Variants in COL13A1 observed in about 807,000 individuals in gnomAD.
COL13A1 encodes the protein collagen alpha-1(XIII) chain.
COL13A1 carries 89 observed loss-of-function variants against 130.9 expected under a neutral mutation model. That is an observed-to-expected ratio of 0.68 (90% confidence interval 0.57 to 0.81). The LOEUF (loss-of-function observed/expected upper bound fraction) is 0.81, where lower values mean the gene tolerates loss of function less well. COL13A1 is among the 30% of genes least tolerant of loss of function. The pLI, the probability that COL13A1 is intolerant of heterozygous loss-of-function variation, is 0.00. For missense variants in COL13A1, 879 were observed against 934.6 expected, an observed-to-expected ratio of 0.94 and a Z score of 0.78; for synonymous variants, 402 against 341.6, an observed-to-expected ratio of 1.18 and a Z score of -1.95.
intron 2 of COL13A1, among the ~76,000 whole-genome samples, chr10:69,865,467 GTTTTCCAAGGCACCTGAAGA>G (rs1015053472): frequency 6.6e-6 from 1 of 152,310 alleles, no homozygotes; most frequent in Admixed American, 6.5e-5. Context: ...CGGGAGTTGG[GTTTTCCAAGGCACCTGAAGA>G]TTTTCCAGTG....
chr10:69,950,903 C>G (rs1215929652), intron 38 of COL13A1, among the ~76,000 whole-genome samples: 1 of 152,096 alleles, frequency 6.6e-6, no homozygotes, highest in Non-Finnish European at 1.5e-5. Context: ...GGCTGGAGTG[C>G]AGTGGCACAA....
At chr10:69,942,312 G>A (rs918852159) in intron 35 of COL13A1, among the ~76,000 whole-genome samples, 1 of 152,188 alleles carries the variant, frequency 6.6e-6, no homozygotes, top group Non-Finnish European at 1.5e-5. Context: ...TACATGCAGA[G>A]AGCATGCCCT....
intron 12 of COL13A1, 125 bp downstream of exon 12, chr10:69,894,826 A>G: frequency 7.7e-7 from 1 of 1,293,926 alleles, no homozygotes; most frequent in Non-Finnish European, 1.1e-6. Context: ...AAAGCCCCCG[A>G]GGTGCCGCAT....
intron 1 of COL13A1, among the ~76,000 whole-genome samples, chr10:69,817,001 G>A (rs150829979): frequency 2.0e-4 from 31 of 152,320 alleles, no homozygotes; most frequent in African/African-American, 5.3e-4. Context: ...TAATGATTCC[G>A]TGAGGGTGGG....
At chr10:69,903,599 C>A (rs373029448) in intron 15 of COL13A1, among the ~76,000 whole-genome samples, 1 of 152,172 alleles carries the variant, frequency 6.6e-6, no homozygotes, top group Non-Finnish European at 1.5e-5. Flanking sequence ...TCCACCCACC[C>A]GTAAGACTAA....
rs954617847 is a variant in COL13A1 at position 69,872,124 on chromosome 10, T to C, written c.373-60T>C. The C allele has an allele frequency of 8.1e-6, 13 of 1,604,948 alleles. No individual in the cohort carries two copies. In the African/African-American group the frequency reaches 9.4e-5, roughly 12 times the overall value. ...GGTCACACAGCTGGTTGAGACAGTG[T>C]TCAACAGTTAGGTGTTACGATACCT... On this transcript the variant is annotated intron_variant, in intron 3 of 40. Transcript: ENST00000645393.
intron 2 of COL13A1, among the ~76,000 whole-genome samples, chr10:69,861,368 G>A (rs531996839): frequency 2.6e-4 from 39 of 152,264 alleles, no homozygotes; most frequent in Admixed American, 6.5e-4. Context: ...GACCTCCTGG[G>A]GCCAGGGCAT....
At chr10:69,805,719 C>T (rs1328037326) in intron 1 of COL13A1, among the ~76,000 whole-genome samples, 3 of 152,110 alleles carry the variant, frequency 2.0e-5, no homozygotes, top group Non-Finnish European at 4.4e-5. Context: ...CTTGAGGGGA[C>T]CATCCTGGGC....
chr10:69,951,759 A>G (rs2136310266), intron 38 of COL13A1, among the ~76,000 whole-genome samples: 1 of 152,326 alleles, frequency 6.6e-6, no homozygotes, highest in East Asian at 1.9e-4. Context: ...CACGCAGCTA[A>G]CTGTCAGAAC....
At chr10:69,905,108 C>A in intron 16 of COL13A1, 149 bp downstream of exon 16, 2 of 893,718 alleles carry the variant, frequency 2.2e-6, no homozygotes, top group Non-Finnish European at 3.4e-6. Flanking sequence ...CAAAACACCA[C>A]CCTTCTCAGG....
At chr10:69,949,949 C>CAT (rs1410838753) in intron 38 of COL13A1, among the ~76,000 whole-genome samples, 9 of 103,430 alleles carry the variant, frequency 8.7e-5, no homozygotes, top group African/African-American at 1.4e-4. Context: ...TGTGTGTGTG[C>CAT]GTGTGTTTGT....
chr10:69,953,295 G>A (rs1418515621), intron 39 of COL13A1, among the ~76,000 whole-genome samples: 1 of 152,210 alleles, frequency 6.6e-6, no homozygotes, highest in Admixed American at 6.5e-5. Flanking sequence ...GGCTTTGGAA[G>A]CCAGTGTAGC....
chr10:69,930,589 C>T (rs543258686), intron 30 of COL13A1, 37 bp downstream of exon 30: 7 of 1,597,582 alleles, frequency 4.4e-6, no homozygotes, highest in Admixed American at 1.7e-5. Flanking sequence ...CGTGCATACA[C>T]CACTCCCAAG....
At chr10:69,903,772 C>T (rs1449340846) in intron 15 of COL13A1, among the ~76,000 whole-genome samples, 1 of 152,162 alleles carries the variant, frequency 6.6e-6, no homozygotes, top group Non-Finnish European at 1.5e-5. Context: ...AATGTTTGTG[C>T]GCATCTCTGA....
At chr10:69,846,858 G>A (rs1853271053) in intron 2 of COL13A1, among the ~76,000 whole-genome samples, 2 of 152,194 alleles carry the variant, frequency 1.3e-5, no homozygotes, top group Admixed American at 1.3e-4. Context: ...CGTGGGGCAG[G>A]AGCAGTGACT....
chr10:69,914,977 C>A (rs139562565), intron 17 of COL13A1, among the ~76,000 whole-genome samples: 1 of 152,244 alleles, frequency 6.6e-6, no homozygotes, highest in Non-Finnish European at 1.5e-5. Context: ...GGGCTCTGCT[C>A]CGCTTTCAGC....
chr10:69,832,559 T>C (rs149262084), intron 2 of COL13A1, among the ~76,000 whole-genome samples: 1 of 152,340 alleles, frequency 6.6e-6, no homozygotes, highest in East Asian at 1.9e-4. Context: ...GGAGTTGGAC[T>C]GGTGCACAAT....
At chr10:69,884,694 T>G (rs1032747053) in intron 7 of COL13A1, among the ~76,000 whole-genome samples, 2 of 152,258 alleles carry the variant, frequency 1.3e-5, no homozygotes, top group Non-Finnish European at 2.9e-5. Flanking sequence ...TATTAATCCA[T>G]GAATTAATGT....
chr10:69,804,237 G>T (rs1043417014), intron 1 of COL13A1, among the ~76,000 whole-genome samples: 4 of 152,104 alleles, frequency 2.6e-5, no homozygotes, highest in South Asian at 2.1e-4. Flanking sequence ...GTATCTCGGG[G>T]GTCCTGGCTG....
Sources: allele counts gnomAD v4.1 joint callset (sites outside exome capture counted in the v4.1 genomes callset), GRCh38; gene constraint gnomAD v4.1.1; transcripts MANE v1.5; gene names NCBI Gene and HGNC (gene_info 2026-07-23, HGNC 2026-07-21).